AUH: variants seen among roughly 807,000 people sequenced by gnomAD.
AUH encodes the protein AU RNA binding methylglutaconyl-CoA hydratase.
Under a neutral mutation model 42.3 loss-of-function variants are expected in AUH, and 29 were observed. The observed-to-expected ratio is 0.69, with a 90% CI of 0.51 to 0.93. The LOEUF (loss-of-function observed/expected upper bound fraction) is 0.93. Among genes scored for constraint, AUH ranks in the 40% least tolerant of loss-of-function variants. The probability of loss-of-function intolerance (pLI) is 0.00; values close to 1 mark genes in which losing one functional copy is unlikely to be tolerated. For synonymous variants in AUH, 174 were observed against 166.4 expected (o/e 1.05, Z -0.35); for missense variants, 452 against 438.1 (o/e 1.03, Z -0.28).
At chr9:91,226,791 C>A (rs1409561523) in intron 6 of AUH, among the ~76,000 whole-genome samples, 1 of 120,928 alleles carries the variant, frequency 8.3e-6, no homozygotes, top group Non-Finnish European at 1.7e-5. Flanking sequence ...TTTCCCAGCA[C>A]CATTTATTAA....
At chr9:91,296,864 A>C (rs1827376481) in intron 5 of AUH, among the ~76,000 whole-genome samples, 2 of 152,220 alleles carry the variant, frequency 1.3e-5, no homozygotes, top group African/African-American at 2.4e-5. Context: ...AAATTTAAAA[A>C]ATCTTTTATA....
In AUH at chr9:91,226,225, T is replaced by C. The variant is rs564664352; in HGVS notation, c.656-5233A>G. 5.9e-5 allele frequency among the ~76,000 whole-genome samples: 9 copies of C among 151,850 alleles called. No individual in the cohort carries two copies. The South Asian group carries it at 1.7e-3, about 28-fold the overall frequency. On this transcript the variant is annotated intron_variant, in intron 6 of 9. Coordinates refer to ENST00000375731, the MANE Select transcript of AUH (RefSeq NM_001698.3). ...TCTCCAGCACCTGTTGTTTCCTGAC[T>C]TTTTAATGATCGCCATTCTAACTGG... is the stretch of plus-strand genomic sequence containing the variant.
chr9:91,235,857 G>A (rs1828145089), intron 6 of AUH, among the ~76,000 whole-genome samples: 1 of 152,190 alleles, frequency 6.6e-6, no homozygotes, highest in South Asian at 2.1e-4. Context: ...GATACTTAGA[G>A]CTATGGCAGC....
intron 6 of AUH, among the ~76,000 whole-genome samples, chr9:91,245,597 G>A (rs921717892): frequency 2.0e-5 from 3 of 152,208 alleles, no homozygotes; most frequent in African/African-American, 7.2e-5. Context: ...TGAGTAGGAA[G>A]TGCCTGAGTG....
chr9:91,347,104 A>G (rs1831570224), intron 3 of AUH, among the ~76,000 whole-genome samples: 1 of 151,994 alleles, frequency 6.6e-6, no homozygotes, highest in South Asian at 2.1e-4. Flanking sequence ...TGGCACAATC[A>G]CAGCTCACTG....
At chr9:91,293,603 G>A (rs1278921928) in intron 6 of AUH, among the ~76,000 whole-genome samples, 1 of 152,102 alleles carries the variant, frequency 6.6e-6, no homozygotes, top group Non-Finnish European at 1.5e-5. Flanking sequence ...AGCTGCAGAA[G>A]AAAAGTTGGA....
chr9:91,256,632 C>T (rs1829417932), intron 6 of AUH, among the ~76,000 whole-genome samples: 1 of 152,040 alleles, frequency 6.6e-6, no homozygotes, highest in Non-Finnish European at 1.5e-5. Context: ...TGAGGTGCCT[C>T]CAAGAACAGG....
At chr9:91,266,098 C>A (rs1470576136) in intron 6 of AUH, among the ~76,000 whole-genome samples, 1 of 152,136 alleles carries the variant, frequency 6.6e-6, no homozygotes, top group Non-Finnish European at 1.5e-5. Context: ...CACGGTGGCT[C>A]ATGCGTGTAA....
chr9:91,220,966 T>C lies in AUH; in HGVS notation c.682A>G (p.Ile228Val). Residue 228 changes from isoleucine to valine, a missense_variant, in exon 7 of 10, where the codon ATT becomes GTT. Transcript: ENST00000375731. The part of the protein sequence containing the change: ...GGGTQRLPRA[I>V]GMSLAKELIF... ...AGCTCCTTGGCCAGGGACATTCCAA[T>C]GGCGCGTGGCAATCGCTGTGTCCCC... is the stretch of plus-strand genomic sequence containing the variant. The C allele has an allele frequency of 6.2e-7, 1 of 1,614,172 alleles. No homozygotes were observed. Among genetic ancestry groups the C allele is most frequent in the South Asian group, 1.1e-5 (1 of 91,076 alleles).
intron 4 of AUH, among the ~76,000 whole-genome samples, chr9:91,324,789 C>T (rs1271486773): frequency 3.3e-5 from 5 of 151,554 alleles, no homozygotes; most frequent in Admixed American, 1.3e-4. Context: ...ACTGGAACAG[C>T]GATTCCCTGT....
At chr9:91,245,624 T>C (rs955247186) in intron 6 of AUH, among the ~76,000 whole-genome samples, 1 of 152,166 alleles carries the variant, frequency 6.6e-6, no homozygotes, top group Non-Finnish European at 1.5e-5. Flanking sequence ...CTATGAAGCA[T>C]CAATGACTGG....
chr9:91,223,056 C>A (rs965776279), intron 6 of AUH, among the ~76,000 whole-genome samples: 2 of 152,204 alleles, frequency 1.3e-5, no homozygotes, highest in African/African-American at 4.8e-5. Context: ...GACCCAGTCC[C>A]TTAAGCTGAG....
chr9:91,279,332 G>T (rs1442713326), intron 6 of AUH, among the ~76,000 whole-genome samples: 6 of 152,102 alleles, frequency 3.9e-5, no homozygotes, highest in Non-Finnish European at 5.9e-5. Flanking sequence ...ATAATACAGA[G>T]AAATAACTTG....
At chr9:91,346,010 T>TA (rs1831480743) in intron 3 of AUH, among the ~76,000 whole-genome samples, 1 of 151,786 alleles carries the variant, frequency 6.6e-6, no homozygotes, top group African/African-American at 2.4e-5. Flanking sequence ...CACCTGTGTA[T>TA]AAAAAAAATA....
At chr9:91,339,296 G>T (rs574150854) in intron 3 of AUH, among the ~76,000 whole-genome samples, 27 of 152,130 alleles carry the variant, frequency 1.8e-4, no homozygotes, top group African/African-American at 6.3e-4. Context: ...TTGAAAAATC[G>T]CTAAGTCAAA....
At chr9:91,246,373 G>GC (rs1327178562) in intron 6 of AUH, among the ~76,000 whole-genome samples, 10 of 152,154 alleles carry the variant, frequency 6.6e-5, no homozygotes, top group Non-Finnish European at 1.5e-4. Flanking sequence ...AACCAAACAA[G>GC]CCCCCTACTG....
intron 3 of AUH, among the ~76,000 whole-genome samples, chr9:91,326,664 C>T (rs566912933): frequency 1.8e-4 from 27 of 151,976 alleles, no homozygotes; most frequent in Non-Finnish European, 3.7e-4. Context: ...ATGATAAATT[C>T]AATTGGTGGT....
intron 4 of AUH, among the ~76,000 whole-genome samples, chr9:91,323,608 C>T (rs540680078): frequency 1.2e-3 from 174 of 148,414 alleles, no homozygotes; most frequent in African/African-American, 4.0e-3. Context: ...GGTGATAGAG[C>T]GAGACTCCGG....
intron 6 of AUH, among the ~76,000 whole-genome samples, chr9:91,292,163 A>T (rs1389069008): frequency 6.6e-6 from 1 of 152,128 alleles, no homozygotes; most frequent in Non-Finnish European, 1.5e-5. Context: ...TTTTCATAGG[A>T]ATAGAAGAAA....
Sources: gnomAD v4.1 joint callset for allele counts (sites outside exome capture counted in the v4.1 genomes callset) on GRCh38, gnomAD v4.1.1 for gene constraint, MANE v1.5 for transcripts, NCBI Gene and HGNC (gene_info 2026-07-23, HGNC 2026-07-21) for gene names.